CD55: variants seen among roughly 807,000 people sequenced by gnomAD.
CD55 encodes complement decay-accelerating factor.
Under a neutral mutation model 45.8 loss-of-function variants are expected in CD55, and 41 were observed. That is an observed-to-expected ratio of 0.90 (90% CI 0.70 to 1.16). CD55 has a LOEUF of 1.16. Ranked by LOEUF, CD55 falls within the 50% of genes most tolerant of loss-of-function variation. The pLI is 0.00. For missense variants in CD55, 416 were observed against 469.8 expected, an observed-to-expected ratio of 0.89 and a Z score of 1.06; for synonymous variants, 181 against 181.1, an observed-to-expected ratio of 1.00 and a Z score of 0.01.
intron 9 of CD55, among the ~76,000 whole-genome samples, chr1:207,344,351 A>T (rs28739000): frequency 0.16 from 25,005 of 151,980 alleles, 2,572 homozygotes; most frequent in Middle Eastern, 0.3. Flanking sequence ...ATGATTGTAG[A>T]TATCATTCTT....
intron 1 of CD55, 43 bp downstream of exon 1, chr1:207,321,908 G>A (rs1390838137): frequency 7.2e-7 from 1 of 1,397,090 alleles, no homozygotes; most frequent in Non-Finnish European, 9.6e-7. Flanking sequence ...TGGGCTGGGT[G>A]GGAGGTCCAA....
chr1:207,351,265 T>C (rs1369626227), intron 9 of CD55, among the ~76,000 whole-genome samples: 1 of 152,216 alleles, frequency 6.6e-6, no homozygotes, highest in Non-Finnish European at 1.5e-5. Flanking sequence ...TGGTTGAGCA[T>C]GTGGTCAATC....
intron 9 of CD55, among the ~76,000 whole-genome samples, chr1:207,343,070 G>T (rs1324796974): frequency 6.6e-6 from 1 of 151,722 alleles, no homozygotes; most frequent in Non-Finnish European, 1.5e-5. Context: ...TTTATTTGGG[G>T]CTTCTCTCTT....
chr1:207,331,993 T>G (rs906857791), intron 6 of CD55, among the ~76,000 whole-genome samples: 12 of 152,086 alleles, frequency 7.9e-5, no homozygotes, highest in African/African-American at 2.9e-4. Flanking sequence ...ATAATTATAA[T>G]TGAAATTTTA....
intron 9 of CD55, among the ~76,000 whole-genome samples, chr1:207,352,522 C>G (rs1019116393): frequency 1.3e-5 from 2 of 152,004 alleles, no homozygotes; most frequent in African/African-American, 4.8e-5. Context: ...TCAAACCAGT[C>G]GGATGTTGGT....
chr1:207,353,949 A>G (rs1230917722), intron 9 of CD55: 15 of 1,504,420 alleles, frequency 1.0e-5, no homozygotes, highest in Non-Finnish European at 8.9e-6. Context: ...AGCAAGAACA[A>G]AACCTTTCCA....
chr1:207,342,958 C>T (rs926645242), intron 9 of CD55, among the ~76,000 whole-genome samples: 37 of 152,172 alleles, frequency 2.4e-4, no homozygotes, highest in African/African-American at 8.2e-4. Context: ...TATTCATTTC[C>T]TCTAGGTTTT....
intron 8 of CD55, among the ~76,000 whole-genome samples, chr1:207,338,829 A>G (rs1655294375): frequency 6.6e-6 from 1 of 152,120 alleles, no homozygotes. Context: ...GCTGAGTAAT[A>G]TTGCTTGTTC....
At chr1:207,339,295 G>A (rs1470894587) in intron 8 of CD55, 102 bp from the exon 9 acceptor site, 15 of 766,238 alleles carry the variant, frequency 2.0e-5, no homozygotes, top group South Asian at 1.1e-4. Context: ...AGTTGCTTTC[G>A]AGTTTTCTAG....
In CD55 at chr1:207,360,824, A is replaced by C. The variant is rs1163599605; in HGVS notation, c.*1214A>C. On this transcript the variant is annotated 3_prime_UTR_variant, in exon 10 of 10. Transcript: ENST00000367064. Reference sequence around the variant, plus strand: ...TGTACTAGTTGTATAGAATATAACTAGATTTATTATGGCAATGTTTATTTT... The same window carrying C: ...TGTACTAGTTGTATAGAATATAACTCGATTTATTATGGCAATGTTTATTTT... 1.3e-5 allele frequency: 2 copies of C among 152,196 alleles called. No individual in the cohort carries two copies. The highest frequency in any genetic ancestry group is 2.9e-5 in the Non-Finnish European group (2 of 68,026). 9.4% of individuals were successfully genotyped at this position (152,196 alleles called of 1,614,324 possible).
intron 5 of CD55, 136 bp from the exon 6 acceptor site, chr1:207,330,972 C>T (rs1185928521): frequency 1.5e-6 from 1 of 683,624 alleles, no homozygotes; most frequent in Non-Finnish European, 2.4e-6. Context: ...ATAAGCATCT[C>T]TTGTTGGTAA....
At chr1:207,329,719 C>T (rs941741657) in intron 5 of CD55, among the ~76,000 whole-genome samples, 6 of 152,078 alleles carry the variant, frequency 3.9e-5, no homozygotes, top group African/African-American at 1.4e-4. Flanking sequence ...CCAAGTGATC[C>T]TCCCACCTCA....
intron 9 of CD55, among the ~76,000 whole-genome samples, chr1:207,341,802 T>C (rs1655439333): frequency 1.3e-5 from 2 of 152,002 alleles, no homozygotes; most frequent in South Asian, 2.1e-4. Flanking sequence ...GATATCTTGA[T>C]AGGGGTTGTA....
Position 207,321,723 on chromosome 1 carries a change from G to C in CD55, c.-43G>C. The C allele has an allele frequency of 1.4e-6, 2 of 1,422,092 alleles. No homozygotes were observed. The highest frequency in any genetic ancestry group is 1.4e-5 in the South Asian group (1 of 73,990). The allele number at this position is 1,422,092 out of a possible 1,614,324, so 88.1% of individuals were successfully genotyped here. ...CGGCCGCTGGGCGTAGCTGCGACTC[G>C]GCGGAGTCCCGGCGGCGCGTCCTTG... On this transcript the variant is annotated 5_prime_UTR_variant, in exon 1 of 10. Transcript: ENST00000367064.
chr1:207,322,810 TAAAC>T (rs1201056411), intron 2 of CD55, among the ~76,000 whole-genome samples: 6 of 152,186 alleles, frequency 3.9e-5, no homozygotes, highest in Non-Finnish European at 8.8e-5. Context: ...GTAGAGAAAA[TAAAC>T]AATAGGTATT....
intron 3 of CD55, among the ~76,000 whole-genome samples, chr1:207,325,271 G>C (rs1191477636): frequency 6.7e-6 from 1 of 148,942 alleles, no homozygotes; most frequent in East Asian, 2.0e-4. Flanking sequence ...GGAGGCAGAG[G>C]TTGCAGTGAG....
chr1:207,350,531 G>C (rs2102435530), intron 9 of CD55, among the ~76,000 whole-genome samples: 1 of 152,240 alleles, frequency 6.6e-6, no homozygotes, highest in Non-Finnish European at 1.5e-5. Context: ...TTCAATTTAA[G>C]AACTTGTTAT....
intron 9 of CD55, among the ~76,000 whole-genome samples, chr1:207,357,988 A>G (rs1028129200): frequency 4.6e-5 from 7 of 152,140 alleles, no homozygotes; most frequent in African/African-American, 1.4e-4. Context: ...ATCTTATTGT[A>G]TTGTACTCAC....
chr1:207,352,843 A>T (rs1040096311), intron 9 of CD55, among the ~76,000 whole-genome samples: 2 of 151,846 alleles, frequency 1.3e-5, no homozygotes, highest in Non-Finnish European at 2.9e-5. Context: ...TAATATTTAC[A>T]TGTTTTCTCT....
Sources: allele counts gnomAD v4.1 joint callset (sites outside exome capture counted in the v4.1 genomes callset), GRCh38; gene constraint gnomAD v4.1.1; transcripts MANE v1.5; gene names NCBI Gene and HGNC (gene_info 2026-07-23, HGNC 2026-07-21).